PGAP1: variants seen among roughly 807,000 people sequenced by gnomAD.
The protein encoded by PGAP1 is post-GPI attachment to proteins inositol deacylase 1.
PGAP1 carries 76 observed loss-of-function variants against 127.0 expected under a neutral mutation model. The ratio of observed to expected loss-of-function variants is 0.60; its 90% confidence interval spans 0.50 to 0.72. PGAP1 has a LOEUF of 0.72. PGAP1 is among the 30% of genes least tolerant of loss of function. The probability of loss-of-function intolerance (pLI) is 0.00; values close to 1 mark genes in which losing one functional copy is unlikely to be tolerated. For synonymous variants in PGAP1, 362 were observed against 366.5 expected, an observed-to-expected ratio of 0.99 and a Z score of 0.14; for missense variants, 982 against 1,071.3, an observed-to-expected ratio of 0.92 and a Z score of 1.16.
chr2:196,918,162 T>A (rs1003763540), intron 2 of PGAP1, among the ~76,000 whole-genome samples: 1 of 152,168 alleles, frequency 6.6e-6, no homozygotes, highest in Non-Finnish European at 1.5e-5. Context: ...CAACTTTTTT[T>A]AAAAGTAAAT....
chr2:196,874,250 A>C (rs1451642590), intron 14 of PGAP1, among the ~76,000 whole-genome samples: 1 of 152,148 alleles, frequency 6.6e-6, no homozygotes, highest in Non-Finnish European at 1.5e-5. Flanking sequence ...CAAAGCTAGA[A>C]TAACTTAAGC....
chr2:196,889,858 CAAA>C (rs979436427), intron 10 of PGAP1, among the ~76,000 whole-genome samples: 1 of 43,980 alleles, frequency 2.3e-5, no homozygotes, highest in Non-Finnish European at 5.0e-5. Context: ...GACTCCGTCT[CAAA>C]AAAAAAAAAA....
At position 196,838,058 on chromosome 2, in the gene PGAP1, C is replaced by A. The variant is rs1433356656; in HGVS notation, c.*3176G>T. On this transcript the variant is annotated 3_prime_UTR_variant, in exon 27 of 27. Transcript: ENST00000354764. ...CATAAAAAAGATCCAGGAAAAAAAA[C>A]AGTGTTAGCAATCTCTACCTATTAT... 1.3e-5 allele frequency: 2 copies of A among 151,980 alleles called. No individual in the cohort carries two copies. Among genetic ancestry groups the A allele is most frequent in the African/African-American group, 4.8e-5 (2 of 41,402 alleles). The allele number at this position is 151,980 out of a possible 1,614,324, so 9.4% of individuals were successfully genotyped here.
At chr2:196,895,092 T>C (rs1289375147) in intron 7 of PGAP1, among the ~76,000 whole-genome samples, 1 of 152,204 alleles carries the variant, frequency 6.6e-6, no homozygotes, top group African/African-American at 2.4e-5. Context: ...TCCAGTCAAT[T>C]ACACATAGTG....
At chr2:196,892,901 T>C (rs1233268924) in intron 8 of PGAP1, among the ~76,000 whole-genome samples, 1 of 152,110 alleles carries the variant, frequency 6.6e-6, no homozygotes, top group Non-Finnish European at 1.5e-5. Flanking sequence ...CTATTTGTCA[T>C]GTTATTTTCA....
intron 13 of PGAP1, among the ~76,000 whole-genome samples, chr2:196,879,732 G>C (rs1701673294): frequency 6.6e-6 from 1 of 152,078 alleles, no homozygotes; most frequent in Non-Finnish European, 1.5e-5. Context: ...GTCTTCATTT[G>C]TGTGCCTCCT....
At position 196,875,751 on chromosome 2, in the gene PGAP1, G is replaced by GA; in HGVS notation, c.1420dup (p.Ser474PhefsTer33). 6.5e-7 allele frequency: 1 copy of GA among 1,531,580 alleles called. No individual in the cohort carries two copies. The highest frequency in any genetic ancestry group is 9.0e-7 in the Non-Finnish European group (1 of 1,111,162). The allele number at this position is 1,531,580 out of a possible 1,614,324, so 94.9% of individuals were successfully genotyped here. On this transcript the variant is annotated frameshift_variant, in exon 14 of 27. Coordinates refer to ENST00000354764, the MANE Select transcript of PGAP1 (RefSeq NM_024989.4). LOFTEE classifies it high-confidence loss of function. The stretch of plus-strand genomic sequence containing the variant: ...TCCAAAAACAAAGTACTTACCAAAG[G>GA]AAAAAAGATGAGTTACAGGAAGCTG...
intron 20 of PGAP1, among the ~76,000 whole-genome samples, chr2:196,851,057 G>C (rs998389280): frequency 4.6e-5 from 7 of 151,794 alleles, no homozygotes; most frequent in African/African-American, 1.5e-4. Context: ...AATTATAAGG[G>C]GAGAAAAAGA....
Position 196,841,155 on chromosome 2 carries a change from A to G in PGAP1, c.*79T>C. ...TCTTCTCCAAAGGATCTTGCTGTCC[A>G]TACTGATGGATCTGTGTGTTCCCTC... On this transcript the variant is annotated 3_prime_UTR_variant, in exon 27 of 27. Transcript: ENST00000354764. 7.3e-6 allele frequency: 10 copies of G among 1,361,138 alleles called. No homozygotes were observed. Among genetic ancestry groups the G allele is most frequent in the Admixed American group, 2.4e-5 (1 of 42,170 alleles). 84.3% of individuals were successfully genotyped at this position (1,361,138 alleles called of 1,614,324 possible).
intron 6 of PGAP1, 88 bp downstream of exon 6, chr2:196,898,229 A>AG: frequency 1.0e-6 from 1 of 982,314 alleles, no homozygotes; most frequent in East Asian, 2.5e-5. Flanking sequence ...AAAAAAAAAA[A>AG]AAGTTAACAA....
chr2:196,920,894 T>G (rs1703168829), intron 1 of PGAP1, among the ~76,000 whole-genome samples: 2 of 152,104 alleles, frequency 1.3e-5, no homozygotes, highest in African/African-American at 4.8e-5. Flanking sequence ...GAGTCAGTAG[T>G]TCACCTACAT....
chr2:196,890,951 GCAGAT>G, intron 9 of PGAP1, 40 bp from the exon 10 acceptor site: 1 of 1,013,784 alleles, frequency 9.9e-7, no homozygotes, highest in Non-Finnish European at 1.5e-6. Flanking sequence ...GCTGTAATGA[GCAGAT>G]TAGTTTCATC....
Position 196,837,155 on chromosome 2 carries a change from G to C in PGAP1, c.*4079C>G, listed in dbSNP as rs1700260906. ...GTCAACTGATTTATCTGGGGGTTCAGAAATCAACAGCCCTAGTTTAATTCA... is the reference window on the plus strand; with the variant it reads ...GTCAACTGATTTATCTGGGGGTTCACAAATCAACAGCCCTAGTTTAATTCA... On this transcript the variant is annotated 3_prime_UTR_variant, in exon 27 of 27. Coordinates refer to ENST00000354764, the MANE Select transcript of PGAP1 (RefSeq NM_024989.4). 6.6e-6 allele frequency: 1 copy of C among 152,300 alleles called. No homozygotes were observed. Among genetic ancestry groups the C allele is most frequent in the African/African-American group, 2.4e-5 (1 of 41,568 alleles). The allele number at this position is 152,300 out of a possible 1,614,324, so 9.4% of individuals were successfully genotyped here. A position where few individuals can be genotyped will look rare whatever the true frequency, so the allele number is the denominator to read the frequency against.
intron 10 of PGAP1, among the ~76,000 whole-genome samples, chr2:196,887,659 C>T (rs1018125354): frequency 6.6e-6 from 1 of 152,116 alleles, no homozygotes; most frequent in Non-Finnish European, 1.5e-5. Flanking sequence ...ATATACTAAG[C>T]CCTCAGGGAA....
chr2:196,841,064 T>C lies in PGAP1; in HGVS notation c.*170A>G, dbSNP rs1044440243. On this transcript the variant is annotated 3_prime_UTR_variant, in exon 27 of 27. Coordinates refer to ENST00000354764, the MANE Select transcript of PGAP1 (RefSeq NM_024989.4). ...TCCACACCACAAAACAAAACCATGC[T>C]TCAACTACTTCCCTCAAACATTACA... The C allele has an allele frequency of 3.0e-5, 23 of 772,614 alleles. No individual in the cohort carries two copies. Among genetic ancestry groups the C allele is most frequent in the Non-Finnish European group, 4.0e-5 (20 of 496,330 alleles). 47.9% of individuals were successfully genotyped at this position (772,614 alleles called of 1,614,324 possible). A position where few individuals can be genotyped will look rare whatever the true frequency, so the allele number is the denominator to read the frequency against.
At position 196,835,189 on chromosome 2, in the gene PGAP1, T is replaced by C. The variant is rs1241500655; in HGVS notation, c.*6045A>G. ...CAACATATTAATGTTAACACTTTAGTATTAATATCTTGTTTTATAATATTT... is the reference window on the plus strand; with the variant it reads ...CAACATATTAATGTTAACACTTTAGCATTAATATCTTGTTTTATAATATTT... On this transcript the variant is annotated 3_prime_UTR_variant, in exon 27 of 27. Coordinates refer to ENST00000354764, the MANE Select transcript of PGAP1 (RefSeq NM_024989.4). The C allele has an allele frequency of 6.6e-6, 1 of 152,054 alleles. No individual in the cohort carries two copies. Among genetic ancestry groups the C allele is most frequent in the Admixed American group, 6.5e-5 (1 of 15,276 alleles). 9.4% of individuals were successfully genotyped at this position (152,054 alleles called of 1,614,324 possible).
intron 13 of PGAP1, among the ~76,000 whole-genome samples, chr2:196,878,780 T>A (rs1701640849): frequency 6.6e-6 from 1 of 152,190 alleles, no homozygotes; most frequent in African/African-American, 2.4e-5. Context: ...ATTGTGGCCA[T>A]CCTTTCAAAA....
intron 1 of PGAP1, chr2:196,922,077 C>A: frequency 9.2e-7 from 1 of 1,086,572 alleles, no homozygotes; most frequent in Non-Finnish European, 1.2e-6. Context: ...AATGAGCAAC[C>A]CCTCTACCAT....
intron 4 of PGAP1, among the ~76,000 whole-genome samples, chr2:196,907,005 G>A (rs534329653): frequency 4.2e-4 from 60 of 143,122 alleles, no homozygotes; most frequent in Non-Finnish European, 1.5e-5. Context: ...GTGGAGAATG[G>A]AACCAAGTTG....
Sources: gnomAD v4.1 joint callset for allele counts (sites outside exome capture counted in the v4.1 genomes callset) on GRCh38, gnomAD v4.1.1 for gene constraint, MANE v1.5 for transcripts, NCBI Gene and HGNC (gene_info 2026-07-23, HGNC 2026-07-21) for gene names.